The following GSK3B variants were observed in gnomAD, a reference collection of about 807,000 sequenced individuals.
GSK3B encodes glycogen synthase kinase 3 beta, also known as glycogen synthase kinase-3 beta.
GSK3B carries 15 observed loss-of-function variants against 56.4 expected under a neutral mutation model. The observed-to-expected ratio is 0.27, with a 90% CI of 0.18 to 0.41. GSK3B has a LOEUF of 0.41. Ranked by LOEUF, GSK3B falls within the 10% of genes least tolerant of loss-of-function variation. GSK3B has a pLI of 1.00. For missense variants in GSK3B, 300 were observed against 513.4 expected (o/e 0.58, Z 4.02); for synonymous variants, 181 against 188.9 (o/e 0.96, Z 0.34).
At chr3:120,074,317 A>G (rs2058351278) in intron 1 of GSK3B, among the ~76,000 whole-genome samples, 1 of 150,910 alleles carries the variant, frequency 6.6e-6, no homozygotes, top group Admixed American at 6.6e-5. Flanking sequence ...AAAAAGAAAG[A>G]AAGAAAGAAA....
chr3:119,972,446 G>GT (rs2057375992), intron 2 of GSK3B, among the ~76,000 whole-genome samples: 1 of 151,654 alleles, frequency 6.6e-6, no homozygotes, highest in Non-Finnish European at 1.5e-5. Flanking sequence ...TTGTTTGTTT[G>GT]TTTTTTTGAG....
At chr3:119,827,879 A>C (rs1027075896) in intron 10 of GSK3B, among the ~76,000 whole-genome samples, 7 of 151,834 alleles carry the variant, frequency 4.6e-5, no homozygotes, top group Non-Finnish European at 7.4e-5. Flanking sequence ...CAAAAAAAAA[A>C]ATGTATAAGA....
intron 2 of GSK3B, among the ~76,000 whole-genome samples, chr3:119,966,327 T>C (rs1338384669): frequency 6.6e-6 from 1 of 152,192 alleles, no homozygotes; most frequent in Non-Finnish European, 1.5e-5. Flanking sequence ...AACCCTAATA[T>C]TTGAATATTT....
intron 1 of GSK3B, among the ~76,000 whole-genome samples, chr3:120,085,093 C>A (rs2058452595): frequency 6.6e-6 from 1 of 152,132 alleles, no homozygotes; most frequent in Non-Finnish European, 1.5e-5. Flanking sequence ...GAAGACTTCA[C>A]TGAATATCTT....
chr3:120,081,349 C>A (rs922705135), intron 1 of GSK3B, among the ~76,000 whole-genome samples: 2 of 151,672 alleles, frequency 1.3e-5, no homozygotes, highest in Non-Finnish European at 2.9e-5. Context: ...GAGATAGAGA[C>A]CATCCTGGTC....
chr3:119,872,964 TCTA>T (rs2056266974), intron 8 of GSK3B, among the ~76,000 whole-genome samples: 1 of 152,160 alleles, frequency 6.6e-6, no homozygotes, highest in South Asian at 2.1e-4. Flanking sequence ...TAATTCTCAA[TCTA>T]CTATTGCATC....
chr3:119,875,619 A>G (rs1198755598), intron 8 of GSK3B, among the ~76,000 whole-genome samples: 1 of 151,896 alleles, frequency 6.6e-6, no homozygotes, highest in African/African-American at 2.4e-5. Context: ...CTTTGGTCAG[A>G]GTTTCTGAAC....
chr3:119,996,826 TAAAGC>T (rs2057622314), intron 2 of GSK3B, among the ~76,000 whole-genome samples: 2 of 151,770 alleles, frequency 1.3e-5, no homozygotes, highest in African/African-American at 4.8e-5. Flanking sequence ...AGATGATAAC[TAAAGC>T]AAAGCTATAT....
At chr3:119,831,574 G>A (rs1481806393) in intron 10 of GSK3B, among the ~76,000 whole-genome samples, 2 of 151,506 alleles carry the variant, frequency 1.3e-5, no homozygotes, top group East Asian at 1.9e-4. Flanking sequence ...GGAGAATGGC[G>A]TGAACCTGGG....
chr3:119,953,771 T>C (rs528736820), intron 2 of GSK3B, among the ~76,000 whole-genome samples: 2 of 152,316 alleles, frequency 1.3e-5, no homozygotes, highest in East Asian at 3.9e-4. Context: ...TGGAATGTGC[T>C]GACTCTCTCT....
chr3:119,938,239 A>C (rs532492606), intron 3 of GSK3B, among the ~76,000 whole-genome samples: 2 of 152,126 alleles, frequency 1.3e-5, no homozygotes, highest in Non-Finnish European at 2.9e-5. Flanking sequence ...TCTTCTAAAA[A>C]AAATAGAAAA....
chr3:119,923,505 AAC>A (rs1156475323), intron 3 of GSK3B, 22 bp from the exon 4 acceptor site: 10 of 1,171,150 alleles, frequency 8.5e-6, no homozygotes, highest in Non-Finnish European at 1.2e-5. Flanking sequence ...TATTTAAAAA[AAC>A]AAAAAACAAA....
chr3:119,905,635 G>A (rs538730327), intron 7 of GSK3B, 120 bp downstream of exon 7: 12 of 676,374 alleles, frequency 1.8e-5, no homozygotes, highest in African/African-American at 8.8e-5. Context: ...AACTTGCTAC[G>A]TGACCTTGGA....
In GSK3B at chr3:119,823,279, AATG is replaced by A. The variant is rs890807594; in HGVS notation, c.*3506_*3508del. The A allele has an allele frequency of 1.4e-5, 3 of 214,372 alleles. No individual in the cohort carries two copies. Among genetic ancestry groups the A allele is most frequent in the African/African-American group, 2.3e-5 (1 of 44,404 alleles). The allele number at this position is 214,372 out of a possible 1,614,324, so 13.3% of individuals were successfully genotyped here. ...ACTGATTTTTTTTAAAAGAAATTAA[AATG>A]ATATTTCATTGAGCAAGGGTAGAGA... On this transcript the variant is annotated 3_prime_UTR_variant, in exon 11 of 11. Coordinates refer to ENST00000264235, the MANE Select transcript of GSK3B (RefSeq NM_001146156.2).
chr3:120,023,972 A>G (rs2057901826), intron 1 of GSK3B, among the ~76,000 whole-genome samples: 1 of 152,224 alleles, frequency 6.6e-6, no homozygotes. Context: ...TCAACTTTTC[A>G]GGTAGGGTAA....
chr3:119,866,520 T>C (rs532622131), intron 8 of GSK3B: 20 of 914,128 alleles, frequency 2.2e-5, no homozygotes, highest in Non-Finnish European at 3.6e-6. Context: ...ATTTAGCCTC[T>C]CAAAGAAGAT....
chr3:119,854,579 T>C (rs768896249), intron 9 of GSK3B, among the ~76,000 whole-genome samples: 1 of 152,240 alleles, frequency 6.6e-6, no homozygotes, highest in Non-Finnish European at 1.5e-5. Context: ...GGCTATTAAT[T>C]ATTGCCTCAA....
intron 1 of GSK3B, among the ~76,000 whole-genome samples, chr3:120,087,366 A>C (rs2058472898): frequency 6.6e-6 from 1 of 152,162 alleles, no homozygotes; most frequent in African/African-American, 2.4e-5. Flanking sequence ...CTCCGTCTCT[A>C]CTAAAAATAC....
intron 7 of GSK3B, among the ~76,000 whole-genome samples, chr3:119,903,772 T>C (rs1005817986): frequency 1.3e-5 from 2 of 152,288 alleles, no homozygotes; most frequent in African/African-American, 4.8e-5. Flanking sequence ...AGAGAAATGA[T>C]ACAATTGTAA....
Sources: gnomAD v4.1 joint callset for allele counts (sites outside exome capture counted in the v4.1 genomes callset) on GRCh38, gnomAD v4.1.1 for gene constraint, MANE v1.5 for transcripts, NCBI Gene and HGNC (gene_info 2026-07-23, HGNC 2026-07-21) for gene names.